PLS1: variants seen among roughly 807,000 people sequenced by gnomAD.
The protein encoded by PLS1 is plastin 1.
PLS1 carries 32 observed loss-of-function variants against 73.7 expected under a neutral mutation model. The ratio of observed to expected loss-of-function variants is 0.43; its 90% confidence interval spans 0.33 to 0.58. The LOEUF is 0.58. PLS1 is among the 20% of genes least tolerant of loss of function. PLS1 has a pLI of 0.04. For synonymous variants in PLS1, 217 were observed against 261.3 expected (o/e 0.83, Z 1.63); for missense variants, 633 against 740.5 (o/e 0.85, Z 1.68).
intron 1 of PLS1, among the ~76,000 whole-genome samples, chr3:142,639,906 T>G (rs1469327171): frequency 6.6e-6 from 1 of 152,238 alleles, no homozygotes; most frequent in Admixed American, 6.5e-5. Flanking sequence ...CATAAACTAT[T>G]TACTTAATTG....
chr3:142,634,453 T>C (rs577839996), intron 1 of PLS1, among the ~76,000 whole-genome samples: 1 of 152,262 alleles, frequency 6.6e-6, no homozygotes, highest in South Asian at 2.1e-4. Context: ...GGAAGAAAGG[T>C]AAAAATGATG....
At chr3:142,699,436 T>C (rs1577907884) in intron 12 of PLS1, among the ~76,000 whole-genome samples, 1 of 151,948 alleles carries the variant, frequency 6.6e-6, no homozygotes, top group Non-Finnish European at 1.5e-5. Flanking sequence ...CCAGCCTGGG[T>C]GAGAAAGCAA....
At chr3:142,610,741 C>G (rs2036107053) in intron 1 of PLS1, among the ~76,000 whole-genome samples, 1 of 152,156 alleles carries the variant, frequency 6.6e-6, no homozygotes, top group African/African-American at 2.4e-5. Flanking sequence ...TGGGGCAGTC[C>G]TCTCTTACTC....
chr3:142,644,371 C>T (rs1428036794), intron 1 of PLS1, among the ~76,000 whole-genome samples: 1 of 152,132 alleles, frequency 6.6e-6, no homozygotes, highest in Admixed American at 6.5e-5. Flanking sequence ...CTACCTCAGC[C>T]TCCTGAGTAA....
chr3:142,652,926 G>A (rs903888369), intron 1 of PLS1, among the ~76,000 whole-genome samples: 1 of 152,190 alleles, frequency 6.6e-6, no homozygotes, highest in Non-Finnish European at 1.5e-5. Context: ...GTGTTAAAAA[G>A]TAAAGTCAGA....
intron 1 of PLS1, among the ~76,000 whole-genome samples, chr3:142,662,901 T>C (rs2037401865): frequency 6.6e-6 from 1 of 152,164 alleles, no homozygotes; most frequent in African/African-American, 2.4e-5. Flanking sequence ...AAGGTACACA[T>C]GTGTTTTGAA....
intron 4 of PLS1, among the ~76,000 whole-genome samples, chr3:142,672,466 C>T (rs1165912843): frequency 6.6e-6 from 1 of 151,650 alleles, no homozygotes; most frequent in African/African-American, 2.4e-5. Flanking sequence ...CCTCAGCCTC[C>T]TGAGTAGCTG....
At chr3:142,699,936 A>G (rs984449780) in intron 12 of PLS1, among the ~76,000 whole-genome samples, 7 of 152,176 alleles carry the variant, frequency 4.6e-5, no homozygotes, top group African/African-American at 1.7e-4. Context: ...AATTCTTTTC[A>G]TGGGAGTAGA....
chr3:142,707,657 T>C (rs1028773254), intron 14 of PLS1, among the ~76,000 whole-genome samples: 14 of 152,358 alleles, frequency 9.2e-5, no homozygotes, highest in Admixed American at 9.1e-4. Flanking sequence ...CTGTGTAGCA[T>C]ACTGCTCATT....
chr3:142,668,880 G>A (rs1447492110), intron 2 of PLS1, among the ~76,000 whole-genome samples: 6 of 152,072 alleles, frequency 3.9e-5, no homozygotes, highest in Admixed American at 3.3e-4. Context: ...GGGATTATAA[G>A]TGTGAGCCAC....
intron 1 of PLS1, among the ~76,000 whole-genome samples, chr3:142,629,209 T>C (rs1339878027): frequency 6.6e-6 from 1 of 152,078 alleles, no homozygotes; most frequent in East Asian, 1.9e-4. Context: ...ATTTTTTTTT[T>C]TTTTTGAGAC....
At chr3:142,618,843 G>A (rs951583773) in intron 1 of PLS1, among the ~76,000 whole-genome samples, 1 of 152,238 alleles carries the variant, frequency 6.6e-6, no homozygotes, top group South Asian at 2.1e-4. Context: ...AAGACAATCT[G>A]CCTCATCTCA....
chr3:142,637,517 G>T (rs371858621), intron 1 of PLS1, among the ~76,000 whole-genome samples: 1 of 152,118 alleles, frequency 6.6e-6, no homozygotes, highest in East Asian at 1.9e-4. Flanking sequence ...AATATGTGCA[G>T]CTTAGCGTAT....
chr3:142,600,305 C>T (rs1290824280), intron 1 of PLS1, among the ~76,000 whole-genome samples: 1 of 152,114 alleles, frequency 6.6e-6, no homozygotes, highest in East Asian at 1.9e-4. Context: ...CTTAGCTTGT[C>T]AGAGGCAGAC....
In PLS1 at chr3:142,598,186, A is replaced by G. The variant is rs555609853; in HGVS notation, c.-37+1677A>G. ...TGCTGTTAGTATCCCCATTGTATAT[A>G]GTATCCTGAGTATTTTAGCACCTCC... On this transcript the variant is annotated intron_variant, in intron 1 of 15. Transcript: ENST00000457734. Among the ~76,000 whole-genome samples the G allele has an allele frequency of 3.0e-4, 46 of 152,248 alleles. 1 individual carries two copies. Among genetic ancestry groups the G allele is most frequent in the Admixed American group, 2.6e-3 (39 of 15,292 alleles).
At chr3:142,689,321 G>A (rs2038037657) in intron 9 of PLS1, among the ~76,000 whole-genome samples, 2 of 152,018 alleles carry the variant, frequency 1.3e-5, no homozygotes, top group Admixed American at 1.3e-4. Flanking sequence ...CTACTCAGGG[G>A]CTGAGGGAGG....
At position 142,692,546 on chromosome 3, in the gene PLS1, AAATG is replaced by A. The variant is rs375520176; in HGVS notation, c.1178-1922_1178-1919del. On this transcript the variant is annotated intron_variant, in intron 10 of 15. Transcript: ENST00000457734. Reference sequence around the variant, plus strand: ...CACTTTGAAATGTTATTAGATAAATAAATGCTCATTTATAAAATCTATTTTACTT... The same window carrying A: ...CACTTTGAAATGTTATTAGATAAATACTCATTTATAAAATCTATTTTACTT... 1.6e-4 allele frequency among the ~76,000 whole-genome samples: 24 copies of A among 152,284 alleles called. No individual in the cohort carries two copies. The East Asian group carries it at 3.3e-3, about 21-fold the overall frequency.
intron 1 of PLS1, among the ~76,000 whole-genome samples, chr3:142,659,632 T>C (rs1421057356): frequency 6.6e-6 from 1 of 152,162 alleles, no homozygotes; most frequent in Admixed American, 6.5e-5. Context: ...CAGTCTCCAT[T>C]TCTCCTAGAG....
chr3:142,674,236 T>A (rs2107854548), intron 4 of PLS1, among the ~76,000 whole-genome samples: 1 of 152,322 alleles, frequency 6.6e-6, no homozygotes, highest in East Asian at 1.9e-4. Flanking sequence ...ATTTTAGTGA[T>A]CTCTGAATTC....
Sources: allele counts gnomAD v4.1 joint callset (sites outside exome capture counted in the v4.1 genomes callset), GRCh38; gene constraint gnomAD v4.1.1; transcripts MANE v1.5; gene names NCBI Gene and HGNC (gene_info 2026-07-23, HGNC 2026-07-21).